ABCG2: variants seen among roughly 807,000 people sequenced by gnomAD.
ABCG2 encodes the protein broad substrate specificity ATP-binding cassette transporter ABCG2.
ABCG2 carries 80 observed loss-of-function variants against 73.5 expected under a neutral mutation model. The ratio of observed to expected loss-of-function variants is 1.09; its 90% CI spans 0.91 to 1.31. The LOEUF (loss-of-function observed/expected upper bound fraction) is 1.31. Ranked by LOEUF, ABCG2 falls within the 50% of genes most tolerant of loss-of-function variation. The pLI, the probability that ABCG2 is intolerant of heterozygous loss-of-function variation, is 0.00. For missense variants in ABCG2, 796 were observed against 786.2 expected, an observed-to-expected ratio of 1.01 and a Z score of -0.15; for synonymous variants, 269 against 282.4, an observed-to-expected ratio of 0.95 and a Z score of 0.48.
chr4:88,126,099 A>G (rs572277133), intron 5 of ABCG2, among the ~76,000 whole-genome samples: 7 of 152,144 alleles, frequency 4.6e-5, no homozygotes, highest in Non-Finnish European at 7.4e-5. Context: ...AAGGGGATAT[A>G]ATCACTGATC....
chr4:88,135,593 T>C (rs965407112), intron 2 of ABCG2, among the ~76,000 whole-genome samples: 5 of 139,854 alleles, frequency 3.6e-5, no homozygotes, highest in South Asian at 2.5e-4. Flanking sequence ...GGGGCTCCCA[T>C]TGGGTCTTCT....
chr4:88,144,229 C>A (rs925479936), intron 1 of ABCG2, among the ~76,000 whole-genome samples: 1 of 152,168 alleles, frequency 6.6e-6, no homozygotes, highest in Non-Finnish European at 1.5e-5. Context: ...TGAAAGGAAG[C>A]CTTCAAATGG....
At chr4:88,199,234 G>T (rs1299367112) in intron 1 of ABCG2, among the ~76,000 whole-genome samples, 1 of 152,064 alleles carries the variant, frequency 6.6e-6, no homozygotes, top group African/African-American at 2.4e-5. Context: ...CTCCCAAAGT[G>T]CTGGAATTAC....
chr4:88,177,902 A>C (rs1249036102), intron 1 of ABCG2, among the ~76,000 whole-genome samples: 1 of 152,204 alleles, frequency 6.6e-6, no homozygotes, highest in Non-Finnish European at 1.5e-5. Context: ...GAATTTGCCT[A>C]TCCCAGTGGT....
In ABCG2 at chr4:88,114,343, G is replaced by A. The variant is rs115713052; in HGVS notation, c.943+614C>T. On this transcript the variant is annotated intron_variant, in intron 8 of 15. Coordinates refer to ENST00000237612, the MANE Select transcript of ABCG2 (RefSeq NM_004827.3). Reference sequence around the variant, plus strand: ...TAATTCTTAATATAAAATTCTGGTCGTGGCCAGGGGCGGTGGCTCACACCT... The same window carrying A: ...TAATTCTTAATATAAAATTCTGGTCATGGCCAGGGGCGGTGGCTCACACCT... Among the ~76,000 whole-genome samples the A allele has an allele frequency of 8.0e-3, 1,214 of 151,930 alleles. 9 individuals are homozygous for A. Among genetic ancestry groups the A allele is most frequent in the African/African-American group, 0.026 (1,093 of 41,444 alleles).
At chr4:88,198,308 G>C (rs1328548157) in intron 1 of ABCG2, among the ~76,000 whole-genome samples, 1 of 152,090 alleles carries the variant, frequency 6.6e-6, no homozygotes, top group Non-Finnish European at 1.5e-5. Flanking sequence ...ACTTCAGCCT[G>C]GGTGACAGAG....
At chr4:88,122,934 G>A (rs1724113494) in intron 5 of ABCG2, among the ~76,000 whole-genome samples, 1 of 152,134 alleles carries the variant, frequency 6.6e-6, no homozygotes, top group Non-Finnish European at 1.5e-5. Flanking sequence ...CATCTGGCGG[G>A]TGCCCCTCTG....
chr4:88,122,884 A>G (rs1042574318), intron 5 of ABCG2, among the ~76,000 whole-genome samples: 1 of 152,212 alleles, frequency 6.6e-6, no homozygotes, highest in Admixed American at 6.5e-5. Flanking sequence ...ACCTCCCAGC[A>G]GGGGTCGACA....
intron 1 of ABCG2, among the ~76,000 whole-genome samples, chr4:88,169,564 G>C (rs1213737113): frequency 1.3e-5 from 2 of 152,012 alleles, no homozygotes; most frequent in Admixed American, 1.3e-4. Flanking sequence ...GAGTTCTAAT[G>C]GTCAGTTAAA....
At chr4:88,098,045 G>A (rs1722107192) in intron 12 of ABCG2, among the ~76,000 whole-genome samples, 1 of 152,144 alleles carries the variant, frequency 6.6e-6, no homozygotes, top group African/African-American at 2.4e-5. Flanking sequence ...GGAGGGGGAG[G>A]GGGCCTCCAT....
chr4:88,151,170 C>T (rs1246774715), intron 1 of ABCG2, among the ~76,000 whole-genome samples: 1 of 152,230 alleles, frequency 6.6e-6, no homozygotes, highest in Non-Finnish European at 1.5e-5. Context: ...AGTCATCACC[C>T]TTTCTCTTCT....
At chr4:88,175,799 CCAA>C (rs1727940123) in intron 1 of ABCG2, among the ~76,000 whole-genome samples, 1 of 152,136 alleles carries the variant, frequency 6.6e-6, no homozygotes, top group African/African-American at 2.4e-5. Flanking sequence ...AGATCTGAAA[CCAA>C]CCATTTATCT....
At chr4:88,157,504 G>A (rs1293983363) in intron 1 of ABCG2, among the ~76,000 whole-genome samples, 1 of 152,012 alleles carries the variant, frequency 6.6e-6, no homozygotes, top group East Asian at 1.9e-4. Context: ...GATATTATGG[G>A]AACTCTCTGT....
At chr4:88,203,513 T>C (rs185008299) in intron 1 of ABCG2, among the ~76,000 whole-genome samples, 11 of 152,196 alleles carry the variant, frequency 7.2e-5, no homozygotes, top group Non-Finnish European at 1.5e-5. Context: ...GCTCATGCCT[T>C]TAATCCCCGC....
At chr4:88,103,608 A>T (rs986623495) in intron 10 of ABCG2, among the ~76,000 whole-genome samples, 4 of 152,198 alleles carry the variant, frequency 2.6e-5, no homozygotes, top group Non-Finnish European at 5.9e-5. Context: ...AGCAATTCTG[A>T]AATTTACATT....
At chr4:88,158,838 G>T (rs913681312), upstream of ABCG2, 1 of 334,794 alleles carries the variant, frequency 3.0e-6, no homozygotes, top group South Asian at 2.2e-5. Context: ...ACATCCAGGG[G>T]ACGAGCTCAG....
chr4:88,095,446 T>G, intron 14 of ABCG2, 74 bp downstream of exon 14: 6 of 1,340,004 alleles, frequency 4.5e-6, no homozygotes, highest in Non-Finnish European at 5.3e-6. Flanking sequence ...GTCAGGGAAA[T>G]GAGATGAGGA....
At chr4:88,221,185 CT>C (rs1729999118) in intron 1 of ABCG2, among the ~76,000 whole-genome samples, 1 of 152,080 alleles carries the variant, frequency 6.6e-6, no homozygotes, top group South Asian at 2.1e-4. Flanking sequence ...ACAAGAATCG[CT>C]TGAACCTGGG....
At chr4:88,196,548 G>GT (rs1416890466) in intron 1 of ABCG2, among the ~76,000 whole-genome samples, 1 of 152,066 alleles carries the variant, frequency 6.6e-6, no homozygotes, top group Non-Finnish European at 1.5e-5. Context: ...TGCATCTCCT[G>GT]TTTTTTTAAA....
Sources: gnomAD v4.1 joint callset for allele counts (sites outside exome capture counted in the v4.1 genomes callset) on GRCh38, gnomAD v4.1.1 for gene constraint, MANE v1.5 for transcripts, NCBI Gene and HGNC (gene_info 2026-07-23, HGNC 2026-07-21) for gene names.